The following GPRIN3 variants were observed in gnomAD, a reference collection of about 807,000 sequenced individuals.
The protein encoded by GPRIN3 is G protein-regulated inducer of neurite outgrowth 3.
In GPRIN3, 12 loss-of-function variants were observed where a neutral mutation model predicts 13.7. That is an observed-to-expected ratio of 0.87 (90% confidence interval 0.56 to 1.42). The LOEUF (loss-of-function observed/expected upper bound fraction) is 1.42. Among genes scored for constraint, GPRIN3 ranks in the 40% most tolerant of loss-of-function variants. GPRIN3 has a pLI of 0.00. For missense variants in GPRIN3, 1,009 were observed against 958.7 expected, an observed-to-expected ratio of 1.05 and a Z score of -0.69; for synonymous variants, 377 against 372.7, an observed-to-expected ratio of 1.01 and a Z score of -0.13.
At chr4:89,252,876 T>C (rs1461587805) in intron 1 of GPRIN3, among the ~76,000 whole-genome samples, 1 of 152,162 alleles carries the variant, frequency 6.6e-6, no homozygotes, top group Non-Finnish European at 1.5e-5. Flanking sequence ...GCATTTGTGT[T>C]TATTATACTT....
chr4:89,297,143 G>A (rs7671160), intron 1 of GPRIN3, among the ~76,000 whole-genome samples: 19,429 of 152,226 alleles, frequency 0.13, 1,694 homozygotes, highest in Non-Finnish European at 0.19. Flanking sequence ...TCTCTAGAAT[G>A]GGGAATTATT....
At chr4:89,254,130 T>G (rs866218363) in intron 1 of GPRIN3, among the ~76,000 whole-genome samples, 6 of 144,438 alleles carry the variant, frequency 4.2e-5, no homozygotes, top group Non-Finnish European at 7.8e-5. Flanking sequence ...TGCATCTGGG[T>G]GTGTGTGTGT....
intron 1 of GPRIN3, among the ~76,000 whole-genome samples, chr4:89,268,249 A>G (rs1269280301): frequency 6.6e-6 from 1 of 152,236 alleles, no homozygotes; most frequent in Non-Finnish European, 1.5e-5. Context: ...AAGAGATAGG[A>G]AAGAATCCAT....
chr4:89,255,970 C>G (rs190422956), intron 1 of GPRIN3, among the ~76,000 whole-genome samples: 1 of 152,270 alleles, frequency 6.6e-6, no homozygotes, highest in African/African-American at 2.4e-5. Flanking sequence ...TCCTTAAAAT[C>G]GTGAGCAGAG....
intron 1 of GPRIN3, among the ~76,000 whole-genome samples, chr4:89,258,216 T>C (rs1486680044): frequency 7.2e-6 from 1 of 138,424 alleles, no homozygotes; most frequent in Non-Finnish European, 1.6e-5. Flanking sequence ...ACTTGTAGAA[T>C]GGTTAAGCCT....
chr4:89,282,088 C>T (rs1328741898), intron 1 of GPRIN3, among the ~76,000 whole-genome samples: 15 of 151,718 alleles, frequency 9.9e-5, no homozygotes, highest in Admixed American at 7.9e-4. Flanking sequence ...TTGGTGAATG[C>T]TAACATGCCT....
rs764481755 is a variant in GPRIN3, at chr4:89,249,787, G to C, written c.324C>G (p.Pro108=). Residue 108 remains proline, a synonymous_variant, in exon 2 of 2, where the codon CCC becomes CCG. Coordinates refer to ENST00000609438, the MANE Select transcript of GPRIN3 (RefSeq NM_198281.3). ...CTGCAGAACTCGGGGCTGATGCTGC[G>C]GGCTGGCTGCTCCCTGGCAGCTGGG... ...GNPQLPGSSQ[P]AASAPSSAAG... 3 of 1,614,160 alleles carry C rather than the reference G, an allele frequency of 1.9e-6. No homozygotes were observed. The highest frequency in any genetic ancestry group is 1.3e-5 in the African/African-American group (1 of 75,044).
intron 1 of GPRIN3, among the ~76,000 whole-genome samples, chr4:89,279,598 G>A (rs1724189220): frequency 6.6e-6 from 1 of 152,184 alleles, no homozygotes; most frequent in Non-Finnish European, 1.5e-5. Flanking sequence ...CGCTGAAACT[G>A]CCCTTGCTCA....
chr4:89,271,925 T>C (rs1723962271), intron 1 of GPRIN3, among the ~76,000 whole-genome samples: 2 of 152,264 alleles, frequency 1.3e-5, no homozygotes, highest in East Asian at 1.9e-4. Flanking sequence ...GATTAGGTCA[T>C]GAGGTCAGGG....
At chr4:89,274,952 C>G (rs1351033703) in intron 1 of GPRIN3, among the ~76,000 whole-genome samples, 2 of 152,134 alleles carry the variant, frequency 1.3e-5, no homozygotes, top group African/African-American at 4.8e-5. Flanking sequence ...CTGTCCTACT[C>G]CGGAAAAGAC....
chr4:89,267,366 T>C (rs779579873), intron 1 of GPRIN3, among the ~76,000 whole-genome samples: 17 of 152,094 alleles, frequency 1.1e-4, no homozygotes, highest in Non-Finnish European at 8.8e-5. Flanking sequence ...TCTTACTTTG[T>C]TTAAACCAGT....
At chr4:89,266,307 G>C (rs1334372102) in intron 1 of GPRIN3, among the ~76,000 whole-genome samples, 1 of 152,118 alleles carries the variant, frequency 6.6e-6, no homozygotes, top group African/African-American at 2.4e-5. Context: ...GACTTCCTGA[G>C]GATGCCATGA....
Position 89,244,159 on chromosome 4 carries a change from C to T in GPRIN3, c.*3621G>A, listed in dbSNP as rs1283899245. ...GTATAAGCTAGGAACAGTGAAACCT[C>T]AATATGCTAGAATACAAACAAATGC... On this transcript the variant is annotated 3_prime_UTR_variant, in exon 2 of 2. Coordinates refer to ENST00000609438, the MANE Select transcript of GPRIN3 (RefSeq NM_198281.3). 6.6e-6 allele frequency: 1 copy of T among 152,122 alleles called. No individual in the cohort carries two copies. The highest frequency in any genetic ancestry group is 1.5e-5 in the Non-Finnish European group (1 of 68,012). 9.4% of individuals were successfully genotyped at this position (152,122 alleles called of 1,614,324 possible).
chr4:89,260,777 G>C (rs543651248), intron 1 of GPRIN3, among the ~76,000 whole-genome samples: 1 of 152,108 alleles, frequency 6.6e-6, no homozygotes, highest in Non-Finnish European at 1.5e-5. Context: ...TAAGAGAAAG[G>C]TGAATCAAGT....
At chr4:89,270,355 A>G (rs1723899646) in intron 1 of GPRIN3, among the ~76,000 whole-genome samples, 1 of 151,520 alleles carries the variant, frequency 6.6e-6, no homozygotes, top group Non-Finnish European at 1.5e-5. Flanking sequence ...AAAACAACCA[A>G]AAGTGAGTTA....
intron 1 of GPRIN3, among the ~76,000 whole-genome samples, chr4:89,266,147 G>GA (rs2149267712): frequency 6.6e-6 from 1 of 152,282 alleles, no homozygotes; most frequent in Admixed American, 6.5e-5. Flanking sequence ...TTGAGCCAGT[G>GA]ATTCTACCCC....
intron 1 of GPRIN3, among the ~76,000 whole-genome samples, chr4:89,260,216 G>A (rs1053918337): frequency 4.6e-5 from 7 of 152,222 alleles, no homozygotes; most frequent in South Asian, 2.1e-4. Flanking sequence ...GGTGCCTTGG[G>A]GGCTCTTCTG....
chr4:89,260,513 GT>G (rs1346421659), intron 1 of GPRIN3, among the ~76,000 whole-genome samples: 3 of 152,178 alleles, frequency 2.0e-5, no homozygotes, highest in Non-Finnish European at 4.4e-5. Flanking sequence ...GTACATAAAG[GT>G]TTTGCTTTTT....
At chr4:89,280,224 A>G (rs1454783161) in intron 1 of GPRIN3, among the ~76,000 whole-genome samples, 1 of 152,064 alleles carries the variant, frequency 6.6e-6, no homozygotes, top group African/African-American at 2.4e-5. Context: ...GATATAATGT[A>G]GGCTCTATCA....
Sources: gnomAD v4.1 joint callset for allele counts (sites outside exome capture counted in the v4.1 genomes callset) on GRCh38, gnomAD v4.1.1 for gene constraint, MANE v1.5 for transcripts, NCBI Gene and HGNC (gene_info 2026-07-23, HGNC 2026-07-21) for gene names.